Variants in GPR39 observed in about 807,000 individuals in gnomAD.
GPR39 encodes zinc sensing receptor.
Under a neutral mutation model 18.4 loss-of-function variants are expected in GPR39, and 23 were observed. The observed-to-expected ratio is 1.25, with a 90% confidence interval of 0.90 to 1.77. The LOEUF (loss-of-function observed/expected upper bound fraction) is 1.77, where lower values mean the gene tolerates loss of function less well. Among genes scored for constraint, GPR39 ranks in the 40% most tolerant of loss-of-function variants. The pLI is 0.00. For missense variants in GPR39, 647 were observed against 602.4 expected (o/e 1.07, Z -0.78); for synonymous variants, 280 against 257.9 (o/e 1.09, Z -0.82).
At chr2:132,629,339 GA>G (rs1681607504) in intron 1 of GPR39, among the ~76,000 whole-genome samples, 1 of 152,148 alleles carries the variant, frequency 6.6e-6, no homozygotes. Flanking sequence ...AAGCTCTCGG[GA>G]TATCCCATGC....
intron 1 of GPR39, among the ~76,000 whole-genome samples, chr2:132,486,110 C>G (rs1487733047): frequency 1.3e-5 from 2 of 152,158 alleles, no homozygotes; most frequent in Admixed American, 1.3e-4. Flanking sequence ...GACCAGGTGT[C>G]TTGTCAATAA....
intron 1 of GPR39, among the ~76,000 whole-genome samples, chr2:132,543,874 C>A (rs1679899054): frequency 6.6e-6 from 1 of 152,152 alleles, no homozygotes; most frequent in African/African-American, 2.4e-5. Flanking sequence ...CTGAACTCCC[C>A]AGTGGCATGC....
chr2:132,637,318 G>T (rs1399160282), intron 1 of GPR39, among the ~76,000 whole-genome samples: 1 of 152,236 alleles, frequency 6.6e-6, no homozygotes, highest in Non-Finnish European at 1.5e-5. Flanking sequence ...TAGCTGTAAT[G>T]CTTAGCAAAT....
At chr2:132,445,326 C>G (rs924876416) in intron 1 of GPR39, among the ~76,000 whole-genome samples, 1 of 151,982 alleles carries the variant, frequency 6.6e-6, no homozygotes, top group Non-Finnish European at 1.5e-5. Context: ...TTTTTTGTAA[C>G]ATGGAAATTT....
chr2:132,458,106 C>T (rs529122752), intron 1 of GPR39, among the ~76,000 whole-genome samples: 1 of 152,304 alleles, frequency 6.6e-6, no homozygotes, highest in South Asian at 2.1e-4. Context: ...CGATGCCCTG[C>T]CCTGCTTCAG....
chr2:132,587,744 A>G (rs994215914), intron 1 of GPR39, among the ~76,000 whole-genome samples: 3 of 152,116 alleles, frequency 2.0e-5, no homozygotes, highest in African/African-American at 7.2e-5. Flanking sequence ...CATGTTGGCC[A>G]GGCTGGTCTT....
intron 1 of GPR39, among the ~76,000 whole-genome samples, chr2:132,450,686 A>G (rs1186647926): frequency 3.3e-5 from 5 of 152,230 alleles, no homozygotes; most frequent in African/African-American, 1.2e-4. Flanking sequence ...GAGTGCCCTC[A>G]GAGAAGAGAC....
intron 1 of GPR39, among the ~76,000 whole-genome samples, chr2:132,487,318 A>G (rs756349866): frequency 1.8e-4 from 28 of 152,378 alleles, no homozygotes; most frequent in Admixed American, 3.3e-4. Context: ...AGAATAACCA[A>G]AAATGTGACA....
chr2:132,549,968 T>C (rs959303329), intron 1 of GPR39, among the ~76,000 whole-genome samples: 2 of 152,276 alleles, frequency 1.3e-5, no homozygotes, highest in Non-Finnish European at 2.9e-5. Context: ...TAAGGAGGAC[T>C]TAGGTGCATG....
chr2:132,432,038 A>C (rs974350585), intron 1 of GPR39, among the ~76,000 whole-genome samples: 28 of 152,238 alleles, frequency 1.8e-4, no homozygotes, highest in African/African-American at 6.7e-4. Flanking sequence ...GTGTTACCCC[A>C]GTCTCCAAGG....
At chr2:132,574,707 T>G (rs1308515534) in intron 1 of GPR39, among the ~76,000 whole-genome samples, 3 of 152,168 alleles carry the variant, frequency 2.0e-5, no homozygotes, top group Non-Finnish European at 4.4e-5. Flanking sequence ...TGCACTCTAG[T>G]CTGGGTGACA....
At chr2:132,472,975 C>T (rs767075049) in intron 1 of GPR39, among the ~76,000 whole-genome samples, 13 of 151,962 alleles carry the variant, frequency 8.6e-5, no homozygotes, top group African/African-American at 1.7e-4. Context: ...CCTTATCCAC[C>T]GTGAACCCCC....
Position 132,554,204 on chromosome 2 carries a change from G to A in GPR39, c.857-90897G>A, listed in dbSNP as rs140301269. On this transcript the variant is annotated intron_variant, in intron 1 of 1. Transcript: ENST00000329321. ...GTGGTGGCCTTCAGAGAAGAGAACC[G>A]ATGGCTGGCTAGAGAGCCTGGCTTC... Among the ~76,000 whole-genome samples the A allele has an allele frequency of 7.2e-5, 11 of 152,308 alleles. No homozygotes were observed. In the South Asian group the frequency reaches 1.2e-3, roughly 17 times the overall value.
At chr2:132,493,535 C>CAA (rs1261142901) in intron 1 of GPR39, among the ~76,000 whole-genome samples, 2 of 137,178 alleles carry the variant, frequency 1.5e-5, no homozygotes, top group South Asian at 2.3e-4. Flanking sequence ...TATACACACA[C>CAA]CATATATATA....
At chr2:132,609,636 A>C (rs4449192) in intron 1 of GPR39, among the ~76,000 whole-genome samples, 1 of 151,922 alleles carries the variant, frequency 6.6e-6, no homozygotes, top group Non-Finnish European at 1.5e-5. Context: ...TGGGCTTCTC[A>C]TTGTGAGTTT....
intron 1 of GPR39, among the ~76,000 whole-genome samples, chr2:132,479,691 C>A (rs1035859830): frequency 3.9e-5 from 6 of 152,244 alleles, no homozygotes; most frequent in Admixed American, 3.3e-4. Context: ...TATCAAAAAA[C>A]CAGAAAATAG....
intron 1 of GPR39, among the ~76,000 whole-genome samples, chr2:132,507,289 A>G (rs1267744520): frequency 6.6e-6 from 1 of 152,182 alleles, no homozygotes; most frequent in Non-Finnish European, 1.5e-5. Context: ...GGTGGGGCAA[A>G]CTATAGTATT....
intron 1 of GPR39, chr2:132,604,338 T>C (rs768375777): frequency 1.3e-5 from 2 of 152,206 alleles, no homozygotes; most frequent in East Asian, 3.8e-4. Context: ...ACCGAAGCTC[T>C]GAGAACTGCC....
intron 1 of GPR39, among the ~76,000 whole-genome samples, chr2:132,643,141 A>G (rs1470391616): frequency 6.6e-6 from 1 of 152,224 alleles, no homozygotes; most frequent in Non-Finnish European, 1.5e-5. Flanking sequence ...CCTATCCAGC[A>G]TCTGTAACTA....
Sources: gnomAD v4.1 joint callset for allele counts (sites outside exome capture counted in the v4.1 genomes callset) on GRCh38, gnomAD v4.1.1 for gene constraint, MANE v1.5 for transcripts, NCBI Gene and HGNC (gene_info 2026-07-23, HGNC 2026-07-21) for gene names.